Variants in LINGO1 observed in about 807,000 individuals in gnomAD.
LINGO1 encodes leucine rich repeat and Ig domain containing 1, also known as leucine-rich repeat and immunoglobulin-like domain-containing nogo receptor-interacting protein 1.
Under a neutral mutation model 37.3 loss-of-function variants are expected in LINGO1, and 11 were observed. The observed-to-expected ratio is 0.29, with a 90% CI of 0.19 to 0.49. The LOEUF is 0.49. Among genes scored for constraint, LINGO1 ranks in the 20% least tolerant of loss-of-function variants. The pLI is 0.99. For synonymous variants in LINGO1, 387 were observed against 403.0 expected (o/e 0.96, Z 0.48); for missense variants, 585 against 878.2 (o/e 0.67, Z 4.22).
intron 1 of LINGO1, among the ~76,000 whole-genome samples, chr15:77,772,796 C>T (rs2076599245): frequency 6.6e-6 from 1 of 152,196 alleles, no homozygotes; most frequent in African/African-American, 2.4e-5. Flanking sequence ...CCTCCAGCTG[C>T]CTGCCCCCAG....
At chr15:77,734,659 A>G (rs1042827908) in intron 2 of LINGO1, among the ~76,000 whole-genome samples, 1 of 151,704 alleles carries the variant, frequency 6.6e-6, no homozygotes, top group Non-Finnish European at 1.5e-5. Flanking sequence ...AGGATCCCCA[A>G]GTTCAAGGCT....
chr15:77,672,717 G>A (rs368130803), intron 3 of LINGO1, among the ~76,000 whole-genome samples: 3 of 152,292 alleles, frequency 2.0e-5, no homozygotes, highest in Non-Finnish European at 2.9e-5. Context: ...ACAGAACGCC[G>A]ACCCTGAAGA....
chr15:77,770,557 C>T (rs2076574531), intron 1 of LINGO1, among the ~76,000 whole-genome samples: 1 of 138,712 alleles, frequency 7.2e-6, no homozygotes, highest in Non-Finnish European at 1.5e-5. Flanking sequence ...CATTGCACTC[C>T]AGCCTGGGTA....
Position 77,614,925 on chromosome 15 carries a change from G to A in LINGO1, c.982C>T (p.Pro328Ser), listed in dbSNP as rs781531990. 6.2e-7 allele frequency: 1 copy of A among 1,613,960 alleles called. No homozygotes were observed. The highest frequency in any genetic ancestry group is 1.7e-5 in the Admixed American group (1 of 60,018). ...LVGGQLAVVE[P>S]YAFRGLNYLR... Reference sequence around the variant, plus strand: ...TAGTTGAGGCCGCGGAAGGCATAGGGCTCCACCACGGCCAGCTGCCCGCCC... The same window carrying A: ...TAGTTGAGGCCGCGGAAGGCATAGGACTCCACCACGGCCAGCTGCCCGCCC... Residue 328 changes from proline to serine, a missense_variant, in exon 2 of 2, where the codon CCC (proline) becomes TCC (serine). Around this residue, in one of 4 missense-constraint regions of LINGO1, gnomAD observed 484 missense variants for 735.0 expected, o/e 0.66. Transcript: ENST00000355300.
chr15:77,664,150 T>TGTGC (rs1239483634), intron 3 of LINGO1, among the ~76,000 whole-genome samples: 1 of 133,642 alleles, frequency 7.5e-6, no homozygotes, highest in Non-Finnish European at 1.6e-5. Flanking sequence ...TGTGTGTGTG[T>TGTGC]GTGTGTGTGT....
intron 1 of LINGO1, among the ~76,000 whole-genome samples, chr15:77,746,451 C>T (rs2076315677): frequency 6.6e-6 from 1 of 152,204 alleles, no homozygotes; most frequent in Admixed American, 6.5e-5. Context: ...GCCAGTACTG[C>T]CACCTCCTTC....
At chr15:77,629,993 G>A (rs1284892886) in intron 1 of LINGO1, among the ~76,000 whole-genome samples, 1 of 152,100 alleles carries the variant, frequency 6.6e-6, no homozygotes, top group Non-Finnish European at 1.5e-5. Flanking sequence ...AGCCAGGTGA[G>A]GATGGGGGGA....
upstream of LINGO1, among the ~76,000 whole-genome samples, chr15:77,632,954 A>T (rs1326966521): frequency 7.1e-6 from 1 of 140,748 alleles, no homozygotes; most frequent in Non-Finnish European, 1.5e-5. This position sits in a 1 kb window ranked among gnomAD's most constrained non-coding sequence, Gnocchi z 6.0. Flanking sequence ...GGGAGGAGGG[A>T]GCGAGTGAGC....
At chr15:77,812,573 C>T (rs1220813136) in intron 1 of LINGO1, among the ~76,000 whole-genome samples, 1 of 152,322 alleles carries the variant, frequency 6.6e-6, no homozygotes, top group Non-Finnish European at 1.5e-5. Flanking sequence ...GGGTCACAGA[C>T]AGGGGGGCTT....
At chr15:77,763,235 G>T (rs936226890) in intron 1 of LINGO1, among the ~76,000 whole-genome samples, 1 of 152,144 alleles carries the variant, frequency 6.6e-6, no homozygotes, top group African/African-American at 2.4e-5. Context: ...ATACTGCCAC[G>T]CCAGGCTTGC....
At chr15:77,671,616 G>A (rs1157916794) in intron 3 of LINGO1, among the ~76,000 whole-genome samples, 1 of 152,224 alleles carries the variant, frequency 6.6e-6, no homozygotes, top group Non-Finnish European at 1.5e-5. Context: ...TATTCTCCCT[G>A]CCCCCATGCA....
At chr15:77,716,467 A>G (rs992787649) in intron 2 of LINGO1, among the ~76,000 whole-genome samples, 1 of 149,304 alleles carries the variant, frequency 6.7e-6, no homozygotes, top group African/African-American at 2.4e-5. Flanking sequence ...CTAGTCCTGC[A>G]GGGAGTCAAG....
intron 1 of LINGO1, among the ~76,000 whole-genome samples, chr15:77,806,315 T>C (rs1376077091): frequency 6.6e-6 from 1 of 151,990 alleles, no homozygotes; most frequent in Non-Finnish European, 1.5e-5. Flanking sequence ...ATTTATTTTC[T>C]ATCATTAATG....
intron 1 of LINGO1, among the ~76,000 whole-genome samples, chr15:77,626,581 G>A (rs1362503941): frequency 3.9e-5 from 6 of 152,168 alleles, no homozygotes; most frequent in Admixed American, 3.9e-4. Context: ...CTACCCGGCT[G>A]CCCGTTCATA....
intron 2 of LINGO1, among the ~76,000 whole-genome samples, chr15:77,689,573 C>T (rs570695069): frequency 2.0e-5 from 3 of 152,324 alleles, no homozygotes; most frequent in Admixed American, 6.5e-5. Context: ...CTGATTGATA[C>T]AGGGGCCCAA....
chr15:77,625,023 C>A (rs983126933), intron 1 of LINGO1, among the ~76,000 whole-genome samples: 2 of 152,240 alleles, frequency 1.3e-5, no homozygotes. Context: ...CCCCACTCGT[C>A]CTCTCACACC....
chr15:77,764,116 T>TATG (rs1208803394), intron 1 of LINGO1, among the ~76,000 whole-genome samples: 10 of 152,236 alleles, frequency 6.6e-5, no homozygotes, highest in African/African-American at 2.4e-4. Flanking sequence ...TTGTGCACTG[T>TATG]ATGCATTTTA....
At chr15:77,692,728 G>C (rs745945622) in intron 1 of LINGO1, among the ~76,000 whole-genome samples, 1 of 152,176 alleles carries the variant, frequency 6.6e-6, no homozygotes, top group Non-Finnish European at 1.5e-5. Context: ...CCTGGGCAGA[G>C]GTAAACTTCA....
upstream of LINGO1, among the ~76,000 whole-genome samples, chr15:77,633,017 TGGTGGTGG>T (rs944822950): frequency 2.1e-5 from 1 of 48,450 alleles, no homozygotes; most frequent in Non-Finnish European, 4.2e-5. Context: ...CTGGTGATGG[TGGTGGTGG>T]GGTGGGGGGT....
Sources: allele counts gnomAD v4.1 joint callset (sites outside exome capture counted in the v4.1 genomes callset), GRCh38; gene constraint gnomAD v4.1.1; regional missense constraint gnomAD v4.1.1; non-coding constraint Gnocchi (gnomAD v3.1); transcripts MANE v1.5; gene names NCBI Gene and HGNC (gene_info 2026-07-23, HGNC 2026-07-21).